PLEKHG4B: variants seen among roughly 807,000 people sequenced by gnomAD.
PLEKHG4B encodes the protein pleckstrin homology domain-containing family G member 4B.
Under a neutral mutation model 121.3 loss-of-function variants are expected in PLEKHG4B, and 111 were observed. That is an observed-to-expected ratio of 0.92 (90% CI 0.78 to 1.07). PLEKHG4B has a LOEUF of 1.07. PLEKHG4B is among the 50% of genes least tolerant of loss of function. PLEKHG4B has a pLI of 0.00. For missense variants in PLEKHG4B, 1,831 were observed against 1,757.8 expected (o/e 1.04, Z -0.74); for synonymous variants, 738 against 725.0 (o/e 1.02, Z -0.29).
intron 3 of PLEKHG4B, among the ~76,000 whole-genome samples, chr5:141,948 G>A (rs921606600): frequency 7.2e-5 from 11 of 152,240 alleles, no homozygotes; most frequent in Non-Finnish European, 1.2e-4. Context: ...CCAGGGGCTC[G>A]GAGGCAATGG....
At chr5:174,671 A>T (rs1286830164) in intron 18 of PLEKHG4B, among the ~76,000 whole-genome samples, 1 of 152,060 alleles carries the variant, frequency 6.6e-6, no homozygotes, top group Non-Finnish European at 1.5e-5. Flanking sequence ...CATTTTCTAT[A>T]CAGGGTTGGT....
chr5:112,767 G>T (rs927664939), intron 1 of PLEKHG4B, among the ~76,000 whole-genome samples: 1 of 152,134 alleles, frequency 6.6e-6, no homozygotes, highest in East Asian at 1.9e-4. Flanking sequence ...GAACAAAGTG[G>T]CGCGTGGGCC....
intron 2 of PLEKHG4B, among the ~76,000 whole-genome samples, chr5:127,926 A>G (rs1734667645): frequency 6.6e-6 from 1 of 152,238 alleles, no homozygotes; most frequent in Non-Finnish European, 1.5e-5. Context: ...TGGTCCAGAA[A>G]GGCAGGACAA....
At chr5:133,301 A>T (rs1470110112) in intron 2 of PLEKHG4B, among the ~76,000 whole-genome samples, 1 of 152,084 alleles carries the variant, frequency 6.6e-6, no homozygotes, top group African/African-American at 2.4e-5. Flanking sequence ...AGGAATCTTC[A>T]GAGTTTTCTA....
chr5:131,656 A>G (rs2126382398), intron 2 of PLEKHG4B, among the ~76,000 whole-genome samples: 1 of 152,306 alleles, frequency 6.6e-6, no homozygotes, highest in East Asian at 1.9e-4. Flanking sequence ...GTCAAATGGT[A>G]TTTGTAGTTC....
rs1733658034 is a variant in PLEKHG4B at position 187,329 on chromosome 5, G to C, written c.*5006G>C. 6.6e-6 allele frequency: 1 copy of C among 152,346 alleles called. No individual in the cohort carries two copies. Among genetic ancestry groups the C allele is most frequent in the African/African-American group, 2.4e-5 (1 of 41,462 alleles). The allele number at this position is 152,346 out of a possible 1,614,324, so 9.4% of individuals were successfully genotyped here. ...GACCTCTTCTTTTGCCAGGTGTCGTGAGGGCTGTGGCTTAGCTGGGCCTGC... is the reference window on the plus strand; with the variant it reads ...GACCTCTTCTTTTGCCAGGTGTCGTCAGGGCTGTGGCTTAGCTGGGCCTGC... On this transcript the variant is annotated 3_prime_UTR_variant, in exon 20 of 20. Transcript: ENST00000637938.
Position 139,818 on chromosome 5 carries a change from C to T in PLEKHG4B, c.579C>T (p.Ser193=), listed in dbSNP as rs951312414. The T allele has an allele frequency of 7.5e-6, 3 of 398,836 alleles. No homozygotes were observed. Among genetic ancestry groups the T allele is most frequent in the East Asian group, 3.6e-5 (1 of 28,062 alleles). The allele number at this position is 398,836 out of a possible 1,614,324, so 24.7% of individuals were successfully genotyped here. The part of the protein sequence containing the change: ...SGLAVHRAPW[S]DVTDPVFVPS... ...TGGCCGTCCACCGAGCCCCGTGGAG[C>T]GACGTCACTGACCCTGTCTTTGTCC... Residue 193 remains serine (S), a synonymous_variant, in exon 3 of 20, where the codon AGC becomes AGT. Transcript: ENST00000637938. The surrounding 1 kb of genome is among the most constrained non-coding windows in gnomAD (Gnocchi z 5.0).
chr5:181,123 T>G (rs910852981), intron 18 of PLEKHG4B, among the ~76,000 whole-genome samples: 1 of 152,168 alleles, frequency 6.6e-6, no homozygotes, highest in East Asian at 1.9e-4. Context: ...ATATTCAAAC[T>G]CCTAGAAACC....
intron 6 of PLEKHG4B, among the ~76,000 whole-genome samples, chr5:145,446 G>A (rs893551575): frequency 5.3e-5 from 8 of 152,180 alleles, no homozygotes; most frequent in Admixed American, 4.6e-4. Flanking sequence ...CTGCAGCCTC[G>A]AATTCCCAGG....
intron 2 of PLEKHG4B, among the ~76,000 whole-genome samples, chr5:131,444 G>A (rs1484325852): frequency 1.3e-5 from 2 of 152,016 alleles, no homozygotes; most frequent in Non-Finnish European, 2.9e-5. Flanking sequence ...ATGAACTCAT[G>A]CTTTTTTTTT....
chr5:96,011 A>G (rs908597200), intron 1 of PLEKHG4B, among the ~76,000 whole-genome samples: 1 of 152,228 alleles, frequency 6.6e-6, no homozygotes, highest in Non-Finnish European at 1.5e-5. Context: ...CCCTGCATTC[A>G]CTGGGACATC....
At chr5:127,732 A>G (rs2126377162) in intron 2 of PLEKHG4B, among the ~76,000 whole-genome samples, 1 of 152,270 alleles carries the variant, frequency 6.6e-6, no homozygotes, top group Non-Finnish European at 1.5e-5. Flanking sequence ...TAATGAAAAG[A>G]GTCAAACTCT....
chr5:165,507 G>A (rs1579315848), intron 13 of PLEKHG4B, among the ~76,000 whole-genome samples: 1 of 52,312 alleles, frequency 1.9e-5, no homozygotes, highest in Non-Finnish European at 4.0e-5. Context: ...CTGACGGGGC[G>A]GGGCTCACAC....
chr5:160,602 T>A (rs963468623), intron 11 of PLEKHG4B, among the ~76,000 whole-genome samples: 4 of 152,240 alleles, frequency 2.6e-5, no homozygotes, highest in Admixed American at 2.6e-4. Flanking sequence ...CACTTCTGTC[T>A]ATGTTATATG....
intron 12 of PLEKHG4B, 38 bp from the exon 13 acceptor site, chr5:162,684 C>A: frequency 3.8e-6 from 5 of 1,325,288 alleles, no homozygotes; most frequent in Non-Finnish European, 4.9e-6. Flanking sequence ...GGCAGCCCCT[C>A]CTCCACTGCA....
Position 140,280 on chromosome 5 carries a change from G to A in PLEKHG4B, c.1041G>A (p.Gln347=). The A allele has an allele frequency of 6.8e-7, 1 of 1,470,738 alleles. No individual in the cohort carries two copies. The allele number at this position is 1,470,738 out of a possible 1,614,324, so 91.1% of individuals were successfully genotyped here. ...RRPPGDPTCV[Q]PRRWFRESYM... ...CGCCGGGGGACCCCACTTGTGTGCA[G>A]CCTAGACGCTGGTTCAGGGAGTCGT... The change falls in exon 3 of 20, where the codon CAG becomes CAA. Residue 347 remains glutamine, a synonymous_variant. Transcript: ENST00000637938.
At chr5:93,427 C>T (rs1733530328) in intron 1 of PLEKHG4B, among the ~76,000 whole-genome samples, 1 of 152,166 alleles carries the variant, frequency 6.6e-6, no homozygotes, top group South Asian at 2.1e-4. Context: ...ATATATTCAG[C>T]ATTTCCATTC....
At chr5:123,630 A>T (rs536566444) in intron 2 of PLEKHG4B, among the ~76,000 whole-genome samples, 102 of 152,276 alleles carry the variant, frequency 6.7e-4, no homozygotes, top group African/African-American at 2.4e-3. Context: ...ATTAATCTAG[A>T]TTATCCAATT....
At position 156,151 on chromosome 5, in the gene PLEKHG4B, G is replaced by T. The variant is rs1409264440; in HGVS notation, c.2289G>T (p.Leu763=). 2 of 1,594,880 alleles carry T rather than the reference G, an allele frequency of 1.3e-6. No homozygotes were observed. Among genetic ancestry groups the T allele is most frequent in the Non-Finnish European group, 1.7e-6 (2 of 1,170,908 alleles). The part of the protein sequence containing the change: ...LEDPLLVSLR[L]EGGTVLARLR... ...ACCCACTGCTTGTGTCTCTCAGGCT[G>T]GAGGGGGGCACCGTCCTGGCGCGGC... Residue 763 remains leucine (L), a synonymous_variant, in exon 10 of 20, where the codon CTG becomes CTT. Transcript: ENST00000637938. The surrounding 1 kb of genome is among the most constrained non-coding windows in gnomAD (Gnocchi z 4.4).
Sources: gnomAD v4.1 joint callset for allele counts (sites outside exome capture counted in the v4.1 genomes callset) on GRCh38, gnomAD v4.1.1 for gene constraint, Gnocchi (gnomAD v3.1) non-coding constraint, MANE v1.5 for transcripts, NCBI Gene and HGNC (gene_info 2026-07-23, HGNC 2026-07-21) for gene names.